The following ARPC5 variants were observed in gnomAD, a reference collection of about 807,000 sequenced individuals.
The protein encoded by ARPC5 is actin-related protein 2/3 complex subunit 5.
Under a neutral mutation model 15.4 loss-of-function variants are expected in ARPC5, and 5 were observed. That is an observed-to-expected ratio of 0.32 (90% CI 0.17 to 0.68). The LOEUF is 0.68. Among genes scored for constraint, ARPC5 ranks in the 30% least tolerant of loss-of-function variants. The pLI, the probability that ARPC5 is intolerant of heterozygous loss-of-function variation, is 0.71. For missense variants in ARPC5, 138 were observed against 192.8 expected (o/e 0.72, Z 1.68); for synonymous variants, 85 against 72.2 (o/e 1.18, Z -0.90).
In ARPC5 at chr1:183,621,201, T is replaced by C. The variant is rs1648923747; in HGVS notation, c.*6331A>G. On this transcript the variant is annotated 3_prime_UTR_variant, in exon 4 of 4. Transcript: ENST00000359856. ...TTCTACACGGCTGGAGAAAGTATAA[T>C]TGATAAAACCTTTAAGAAAGGCAAT... 6.6e-6 allele frequency: 1 copy of C among 152,244 alleles called. No individual in the cohort carries two copies. The highest frequency in any genetic ancestry group is 2.4e-5 in the African/African-American group (1 of 41,460). The allele number at this position is 152,244 out of a possible 1,614,324, so 9.4% of individuals were successfully genotyped here. A position where few individuals can be genotyped will look rare whatever the true frequency, so the allele number is the denominator to read the frequency against.
At chr1:183,628,764 T>C (rs1435739201) in intron 3 of ARPC5, among the ~76,000 whole-genome samples, 2 of 152,104 alleles carry the variant, frequency 1.3e-5, no homozygotes, top group East Asian at 3.8e-4. Flanking sequence ...TGAGCAAATG[T>C]ATGGAGGTGT....
Position 183,626,730 on chromosome 1 carries a change from CAT to C in ARPC5, c.*800_*801del, listed in dbSNP as rs1299178597. The C allele has an allele frequency of 6.6e-6, 1 of 152,518 alleles. No homozygotes were observed. Among genetic ancestry groups the C allele is most frequent in the African/African-American group, 2.4e-5 (1 of 41,418 alleles). The allele number at this position is 152,518 out of a possible 1,614,324, so 9.4% of individuals were successfully genotyped here. A position where few individuals can be genotyped will look rare whatever the true frequency, so the allele number is the denominator to read the frequency against. On this transcript the variant is annotated 3_prime_UTR_variant, in exon 4 of 4. Coordinates refer to ENST00000359856, the MANE Select transcript of ARPC5 (RefSeq NM_005717.4). The stretch of plus-strand genomic sequence containing the variant: ...AGGCTGCCCAGAGTTTAAATTACAC[CAT>C]AGTTTTTCTTTCTTTCTGCAAATCA...
Position 183,630,473 on chromosome 1 carries a change from T to C in ARPC5, c.381A>G (p.Gln127=), listed in dbSNP as rs777508862. 9 of 1,606,218 alleles carry C rather than the reference T, an allele frequency of 5.6e-6. No homozygotes were observed. Among genetic ancestry groups the C allele is most frequent in the Middle Eastern group, 1.7e-4 (1 of 6,048 alleles). Residue 127 remains glutamine (Q), a synonymous_variant, in exon 3 of 4, where the codon CAA becomes CAG. Coordinates refer to ENST00000359856, the MANE Select transcript of ARPC5 (RefSeq NM_005717.4). The stretch of plus-strand genomic sequence containing the variant: ...ATTCATAACTTACCTTTTCATGCCA[T>C]TGCAGTAACATAGCACTGCTATTGT... The part of the protein sequence containing the change: ...PSDNSSAMLL[Q]WHEKALAAGG...
In ARPC5 at chr1:183,633,142, T is replaced by A; in HGVS notation, c.156A>T (p.Thr52=). 2 of 1,601,082 alleles carry A rather than the reference T, an allele frequency of 1.2e-6. No homozygotes were observed. Among genetic ancestry groups the A allele is most frequent in the Non-Finnish European group, 1.7e-6 (2 of 1,175,340 alleles). The part of the protein sequence containing the change: ...VDSCLRQGNM[T]AALQAALKNP... ...TCTTCAGAGCTGCCTGTAGGGCAGC[T>A]GTCATGTTTCCTGTGATGGAAGTTA... Residue 52 remains threonine, a synonymous_variant, in exon 2 of 4, where the codon ACA becomes ACT. Coordinates refer to ENST00000359856, the MANE Select transcript of ARPC5 (RefSeq NM_005717.4).
chr1:183,623,756 G>C lies in ARPC5; in HGVS notation c.*3776C>G. 1 of 464,064 alleles carries C rather than the reference G, an allele frequency of 2.2e-6. No individual in the cohort carries two copies. The highest frequency in any genetic ancestry group is 2.4e-5 in the South Asian group (1 of 41,324). The allele number at this position is 464,064 out of a possible 1,614,324, so 28.7% of individuals were successfully genotyped here. On this transcript the variant is annotated 3_prime_UTR_variant, in exon 4 of 4. Coordinates refer to ENST00000359856, the MANE Select transcript of ARPC5 (RefSeq NM_005717.4). The stretch of plus-strand genomic sequence containing the variant: ...TTAATCAATCTGGCTGGGCGCGGTG[G>C]TCACGCCTGTAATCCCAGTGCTTTG...
At chr1:183,635,150 G>A (rs1220484267) in intron 1 of ARPC5, among the ~76,000 whole-genome samples, 1 of 152,210 alleles carries the variant, frequency 6.6e-6, no homozygotes, top group African/African-American at 2.4e-5. Flanking sequence ...AAACTAAGGC[G>A]CTCGGCACCA....
chr1:183,632,550 T>C (rs1003272972), intron 2 of ARPC5: 1 of 152,280 alleles, frequency 6.6e-6, no homozygotes, highest in African/African-American at 2.4e-5. Context: ...CTCATGTACA[T>C]TGCATATAGC....
chr1:183,634,225 T>C (rs1245729573), intron 1 of ARPC5, among the ~76,000 whole-genome samples: 1 of 152,260 alleles, frequency 6.6e-6, no homozygotes, highest in Admixed American at 6.5e-5. Context: ...CAGGGATTTC[T>C]AGAGAAGCAT....
chr1:183,630,699 C>A, intron 2 of ARPC5, 62 bp from the exon 3 acceptor site: 1 of 1,483,302 alleles, frequency 6.7e-7, no homozygotes. Flanking sequence ...TTTAGAATTT[C>A]AGAAAGTCTA....
chr1:183,635,385 GAGAC>G, intron 1 of ARPC5, 128 bp downstream of exon 1: 1 of 1,117,412 alleles, frequency 8.9e-7, no homozygotes, highest in South Asian at 1.7e-5. Flanking sequence ...CGATCCCAAA[GAGAC>G]AGGTTAAGCC....
chr1:183,623,799 G>A lies in ARPC5; in HGVS notation c.*3733C>T. 1 of 339,930 alleles carries A rather than the reference G, an allele frequency of 2.9e-6. No individual in the cohort carries two copies. The highest frequency in any genetic ancestry group is 5.5e-6 in the Non-Finnish European group (1 of 181,414). The allele number at this position is 339,930 out of a possible 1,614,324, so 21.1% of individuals were successfully genotyped here. On this transcript the variant is annotated 3_prime_UTR_variant, in exon 4 of 4. Coordinates refer to ENST00000359856, the MANE Select transcript of ARPC5 (RefSeq NM_005717.4). ...GTGCTTTGGGAGGCGGAGGAGGGTG[G>A]ATCACCTGAGGTCAGGAGTTCAAGA...
At chr1:183,630,395 G>T in intron 3 of ARPC5, 66 bp downstream of exon 3, 1 of 1,271,904 alleles carries the variant, frequency 7.9e-7, no homozygotes, top group African/African-American at 1.5e-5. Flanking sequence ...TTAGGTGAGA[G>T]AGGTTGTCAT....
rs941956788 is a variant in ARPC5 at position 183,622,251 on chromosome 1, C to T, written c.*5281G>A. 2.0e-5 allele frequency: 3 copies of T among 152,102 alleles called. No homozygotes were observed. Among genetic ancestry groups the T allele is most frequent in the Non-Finnish European group, 4.4e-5 (3 of 68,016 alleles). 9.4% of individuals were successfully genotyped at this position (152,102 alleles called of 1,614,324 possible). A position where few individuals can be genotyped will look rare whatever the true frequency, so the allele number is the denominator to read the frequency against. ...GAACTAGGGTGGAATGGAAAATTAC[C>T]ACAGTACATATTTCTTACCTTTTGA... On this transcript the variant is annotated 3_prime_UTR_variant, in exon 4 of 4. Transcript: ENST00000359856.
intron 1 of ARPC5, among the ~76,000 whole-genome samples, chr1:183,634,263 T>C (rs538124927): frequency 2.9e-4 from 44 of 152,274 alleles, no homozygotes; most frequent in Non-Finnish European, 6.2e-4. Context: ...TCATTTTTTA[T>C]AACTCCAAGC....
In ARPC5 at chr1:183,624,305, A is replaced by G. The variant is rs2101952201; in HGVS notation, c.*3227T>C. The G allele has an allele frequency of 6.6e-6, 1 of 152,246 alleles. No individual in the cohort carries two copies. Among genetic ancestry groups the G allele is most frequent in the Non-Finnish European group, 1.5e-5 (1 of 68,044 alleles). 9.4% of individuals were successfully genotyped at this position (152,246 alleles called of 1,614,324 possible). On this transcript the variant is annotated 3_prime_UTR_variant, in exon 4 of 4. Coordinates refer to ENST00000359856, the MANE Select transcript of ARPC5 (RefSeq NM_005717.4). ...GGCGGATCACGAGGTCAGGAGATCG[A>G]GACCATCCTGGCTAACACGGTGAAT...
At chr1:183,630,865 A>C (rs1649243241) in intron 2 of ARPC5, 2 of 429,916 alleles carry the variant, frequency 4.7e-6, no homozygotes, top group South Asian at 1.1e-4. Context: ...GTTGGAGTGG[A>C]TTGGTGGGAG....
intron 3 of ARPC5, among the ~76,000 whole-genome samples, chr1:183,627,899 C>T (rs775112126): frequency 4.6e-5 from 7 of 151,878 alleles, no homozygotes; most frequent in East Asian, 1.9e-4. Context: ...ATAGGCCGGG[C>T]GCGGTGGCTC....
chr1:183,625,488 TTCAG>T lies in ARPC5; in HGVS notation c.*2040_*2043del, dbSNP rs1204883188. On this transcript the variant is annotated 3_prime_UTR_variant, in exon 4 of 4. Coordinates refer to ENST00000359856, the MANE Select transcript of ARPC5 (RefSeq NM_005717.4). ...TTAAGAAGGATTTTATGAAAAAGCA[TTCAG>T]TATCATTTGATTTTAAAGTTTGTAA... 6.6e-6 allele frequency: 1 copy of T among 152,230 alleles called. No homozygotes were observed. The highest frequency in any genetic ancestry group is 1.5e-5 in the Non-Finnish European group (1 of 68,040). 9.4% of individuals were successfully genotyped at this position (152,230 alleles called of 1,614,324 possible).
chr1:183,628,672 G>A (rs1029759807), intron 3 of ARPC5, among the ~76,000 whole-genome samples: 2 of 152,252 alleles, frequency 1.3e-5, no homozygotes, highest in African/African-American at 2.4e-5. Flanking sequence ...TAACAGTATA[G>A]AGGAATGTTT....
Sources: gnomAD v4.1 joint callset for allele counts (sites outside exome capture counted in the v4.1 genomes callset) on GRCh38, gnomAD v4.1.1 for gene constraint, MANE v1.5 for transcripts, NCBI Gene and HGNC (gene_info 2026-07-23, HGNC 2026-07-21) for gene names.